The following CNR1 variants were observed in gnomAD, a reference collection of about 807,000 sequenced individuals.
CNR1 encodes the protein cannabinoid receptor 1 (brain).
A neutral mutation model predicts 23.0 loss-of-function variants in CNR1; 10 were observed. That is an observed-to-expected ratio of 0.43 (90% CI 0.27 to 0.74). CNR1 has a LOEUF of 0.74. Ranked by LOEUF, CNR1 falls within the 30% of genes least tolerant of loss-of-function variation. The probability of loss-of-function intolerance (pLI) is 0.19; values close to 1 mark genes in which losing one functional copy is unlikely to be tolerated. For synonymous variants in CNR1, 271 were observed against 255.2 expected (o/e 1.06, Z -0.59); for missense variants, 422 against 618.8 (o/e 0.68, Z 3.37).
Position 88,145,151 on chromosome 6 carries a change from C to G in CNR1, c.124G>C (p.Gly42Arg). Residue 42 changes from glycine to arginine, a missense_variant, in exon 2 of 2, where the codon GGG becomes CGG. Transcript: ENST00000369501. ...DIKGDMASKL[G>R]YFPQKFPLTS... ...AAAGGGAATTTCTGTGGGAAGTACC[C>G]TAATTTGGATGCCATGTCACCTTTG... 6.2e-7 allele frequency: 1 copy of G among 1,614,082 alleles called. No homozygotes were observed. Among genetic ancestry groups the G allele is most frequent in the Non-Finnish European group, 8.5e-7 (1 of 1,180,004 alleles).
intron 1 of CNR1, among the ~76,000 whole-genome samples, chr6:88,149,977 C>T (rs75269259): frequency 0.027 from 4,187 of 152,306 alleles, 104 homozygotes; most frequent in Admixed American, 0.089. Context: ...AAATGTTCAC[C>T]TGAACCTAAT....
chr6:88,162,031 G>A (rs564828441), intron 1 of CNR1, among the ~76,000 whole-genome samples: 23 of 152,306 alleles, frequency 1.5e-4, no homozygotes, highest in African/African-American at 5.5e-4. Flanking sequence ...CAGTGTTTAT[G>A]ATAAAATTAT....
chr6:88,144,224 C>G lies in CNR1; in HGVS notation c.1051G>C (p.Val351Leu). Residue 351 changes from valine to leucine, a missense_variant, in exon 2 of 2, where the codon GTG becomes CTG. Around this residue, in one of 4 missense-constraint regions of CNR1, gnomAD observed 211 missense variants for 357.3 expected, o/e 0.59. Transcript: ENST00000369501. This position sits in a 1 kb window ranked among gnomAD's most constrained non-coding sequence, Gnocchi z 7.8. ...LAKTLVLILV[V>L]LIICWGPLLA... ...AGAGGGCCCCAGCAGATGATCAACACCACCAGGATCAGGACCAGGGTCTTG... is the reference window on the plus strand; with the variant it reads ...AGAGGGCCCCAGCAGATGATCAACAGCACCAGGATCAGGACCAGGGTCTTG... The G allele has an allele frequency of 6.2e-7, 1 of 1,611,950 alleles. No homozygotes were observed. Among genetic ancestry groups the G allele is most frequent in the Non-Finnish European group, 8.5e-7 (1 of 1,179,990 alleles).
chr6:88,151,454 C>T (rs1777513357), intron 1 of CNR1, among the ~76,000 whole-genome samples: 1 of 152,170 alleles, frequency 6.6e-6, no homozygotes, highest in South Asian at 2.1e-4. Flanking sequence ...CTTGGGCAAT[C>T]AGTCTTTCTA....
intron 1 of CNR1, 65 bp downstream of exon 1, chr6:88,165,738 T>C (rs1301389088): frequency 6.6e-6 from 1 of 152,540 alleles, no homozygotes; most frequent in Non-Finnish European, 1.5e-5. Context: ...GGGACCACAC[T>C]GGTCGTACCC....
Position 88,144,826 on chromosome 6 carries a change from C to T in CNR1, c.449G>A (p.Arg150Lys). 6.2e-7 allele frequency: 1 copy of T among 1,614,238 alleles called. No individual in the cohort carries two copies. Among genetic ancestry groups the T allele is most frequent in the Non-Finnish European group, 8.5e-7 (1 of 1,180,038 alleles). ...VILHSRSLRC[R>K]PSYHFIGSLA... Reference sequence around the variant, plus strand: ...GCTGCCGATGAAGTGGTAGGAAGGCCTGCAGCGGAGGCTGCGGGAGTGGAG... The same window carrying T: ...GCTGCCGATGAAGTGGTAGGAAGGCTTGCAGCGGAGGCTGCGGGAGTGGAG... Residue 150 changes from arginine to lysine, a missense_variant, in exon 2 of 2, where the codon AGG becomes AAG. This residue lies in a region of CNR1 where 211 missense variants were observed against 357.3 expected (regional missense o/e 0.59). Transcript: ENST00000369501. The surrounding 1 kb of genome is among the most constrained non-coding windows in gnomAD (Gnocchi z 7.8).
chr6:88,165,055 T>G lies in CNR1; in HGVS notation c.-64+748A>C, dbSNP rs538545853. Among the ~76,000 whole-genome samples the G allele has an allele frequency of 7.2e-5, 11 of 152,350 alleles. No individual in the cohort carries two copies. In the South Asian group the frequency reaches 2.3e-3, roughly 32 times the overall value. On this transcript the variant is annotated intron_variant, in intron 1 of 1. Transcript: ENST00000369501. ...ATACGTTACTAAACATTTCTTTTGT[T>G]TTTTTATCTGTTCAATTTTAAATAT... is the stretch of plus-strand genomic sequence containing the variant.
At chr6:88,154,560 G>C (rs1159717736) in intron 1 of CNR1, among the ~76,000 whole-genome samples, 5 of 152,104 alleles carry the variant, frequency 3.3e-5, no homozygotes, top group Non-Finnish European at 5.9e-5. Context: ...CTACATACTG[G>C]GTAAAGAAAG....
chr6:88,158,842 A>G (rs1777937251), intron 1 of CNR1, among the ~76,000 whole-genome samples: 1 of 152,212 alleles, frequency 6.6e-6, no homozygotes, highest in Non-Finnish European at 1.5e-5. Context: ...ATAACCTCCC[A>G]CAGAAGATCT....
intron 1 of CNR1, among the ~76,000 whole-genome samples, chr6:88,149,325 G>A (rs1777393817): frequency 6.6e-6 from 1 of 152,086 alleles, no homozygotes; most frequent in South Asian, 2.1e-4. Context: ...TAGGTTCCCT[G>A]TTCATCTGTC....
At chr6:88,166,967 T>C (rs1218858854), upstream of CNR1, among the ~76,000 whole-genome samples, 4 of 151,812 alleles carry the variant, frequency 2.6e-5, no homozygotes, top group Non-Finnish European at 4.4e-5. Flanking sequence ...GTTCGCTACC[T>C]GGCTGCGGTC....
chr6:88,155,200 T>C (rs1293566302), intron 1 of CNR1, among the ~76,000 whole-genome samples: 6 of 152,218 alleles, frequency 3.9e-5, no homozygotes, highest in South Asian at 2.1e-4. Flanking sequence ...TATTTTCTCT[T>C]TGAGTCCATA....
At position 88,143,191 on chromosome 6, in the gene CNR1, A is replaced by G. The variant is rs1458413927; in HGVS notation, c.*665T>C. The G allele has an allele frequency of 6.6e-6, 1 of 152,428 alleles. No individual in the cohort carries two copies. Among genetic ancestry groups the G allele is most frequent in the African/African-American group, 2.4e-5 (1 of 41,474 alleles). 9.4% of individuals were successfully genotyped at this position (152,428 alleles called of 1,614,324 possible). A position where few individuals can be genotyped will look rare whatever the true frequency, so the allele number is the denominator to read the frequency against. The stretch of plus-strand genomic sequence containing the variant: ...TTCAAATTCTTCTTGTTGAGGTAAC[A>G]GAAAAATAAACCTTTACGGTTATTT... On this transcript the variant is annotated 3_prime_UTR_variant, in exon 2 of 2. Transcript: ENST00000369501.
chr6:88,153,316 C>A lies in CNR1; in HGVS notation c.-63-7979G>T, dbSNP rs150643137. Among the ~76,000 whole-genome samples, 10 of 152,142 alleles carry A rather than the reference C, an allele frequency of 6.6e-5. No homozygotes were observed. In the East Asian group the frequency reaches 1.9e-3, roughly 29 times the overall value. On this transcript the variant is annotated intron_variant, in intron 1 of 1. Coordinates refer to ENST00000369501, the MANE Select transcript of CNR1 (RefSeq NM_016083.6). ...GTTTTTTTTAATGTTTATCCAGAGT[C>A]TTTATTTTTATTCGTATAACCACAA...
At chr6:88,162,419 G>A (rs534037890) in intron 1 of CNR1, among the ~76,000 whole-genome samples, 1 of 152,258 alleles carries the variant, frequency 6.6e-6, no homozygotes, top group Admixed American at 6.5e-5. Context: ...TGAAGTTACT[G>A]TTTCTTTTAA....
intron 1 of CNR1, among the ~76,000 whole-genome samples, chr6:88,155,549 A>G (rs1777747664): frequency 6.6e-6 from 1 of 152,140 alleles, no homozygotes; most frequent in Non-Finnish European, 1.5e-5. Context: ...GAACCATTTA[A>G]TAAGACACCC....
chr6:88,158,972 T>C (rs1159287966), intron 1 of CNR1, among the ~76,000 whole-genome samples: 1 of 152,162 alleles, frequency 6.6e-6, no homozygotes, highest in East Asian at 1.9e-4. Context: ...TCTGGACTTT[T>C]TCAGGAAACT....
intron 1 of CNR1, among the ~76,000 whole-genome samples, chr6:88,149,474 G>A (rs998198765): frequency 2.6e-5 from 4 of 152,188 alleles, no homozygotes; most frequent in Admixed American, 2.0e-4. Flanking sequence ...CATATGGAAA[G>A]TTTTCATCCA....
At chr6:88,161,060 CA>C (rs1778079038) in intron 1 of CNR1, among the ~76,000 whole-genome samples, 1 of 151,672 alleles carries the variant, frequency 6.6e-6, no homozygotes, top group Non-Finnish European at 1.5e-5. Flanking sequence ...TTCTTGCATT[CA>C]AAAAAATGCA....
Sources: gnomAD v4.1 joint callset for allele counts (sites outside exome capture counted in the v4.1 genomes callset) on GRCh38, gnomAD v4.1.1 for gene constraint, gnomAD v4.1.1 regional missense constraint, Gnocchi (gnomAD v3.1) non-coding constraint, MANE v1.5 for transcripts, NCBI Gene and HGNC (gene_info 2026-07-23, HGNC 2026-07-21) for gene names.